The following AEBP2 variants were observed in gnomAD, a reference collection of about 807,000 sequenced individuals.
The protein encoded by AEBP2 is zinc finger protein AEBP2.
AEBP2 carries 10 observed loss-of-function variants against 50.8 expected under a neutral mutation model. The ratio of observed to expected loss-of-function variants is 0.20; its 90% CI spans 0.12 to 0.33. The LOEUF (loss-of-function observed/expected upper bound fraction) is 0.33. Ranked by LOEUF, AEBP2 falls within the 10% of genes least tolerant of loss-of-function variation. The probability of loss-of-function intolerance (pLI) is 1.00; values close to 1 mark genes in which losing one functional copy is unlikely to be tolerated. For synonymous variants in AEBP2, 296 were observed against 261.3 expected (o/e 1.13, Z -1.28); for missense variants, 570 against 688.0 (o/e 0.83, Z 1.92).
chr12:19,424,900 T>C lies in AEBP2; in HGVS notation c.-17+20684T>C, dbSNP rs184762517. On this transcript the variant is annotated intron_variant, in intron 1 of 3. Transcript: ENST00000538425. ...TGTGTGCACCTGTAGGCCCAGCTAC[T>C]CAGGAGGCTGAGGCGGGAGAATCAC... 8.0e-3 allele frequency among the ~76,000 whole-genome samples: 1,220 copies of C among 152,022 alleles called. 17 individuals carry two copies. The highest frequency in any genetic ancestry group is 0.028 in the African/African-American group (1,146 of 41,504).
chr12:19,419,658 G>A (rs1476591112), intron 1 of AEBP2, among the ~76,000 whole-genome samples: 1 of 151,926 alleles, frequency 6.6e-6, no homozygotes, highest in East Asian at 1.9e-4. Flanking sequence ...GGCCGGGCAT[G>A]GCGGCTCACC....
chr12:19,517,990 C>T (rs1949344949), intron 7 of AEBP2, 97 bp from the exon 8 acceptor site: 1 of 1,091,594 alleles, frequency 9.2e-7, no homozygotes, highest in Non-Finnish European at 1.3e-6. Flanking sequence ...ATGATCATCA[C>T]ATTGCCTGTA....
At chr12:19,443,020 C>A (rs1447337229) in intron 1 of AEBP2, among the ~76,000 whole-genome samples, 1 of 152,144 alleles carries the variant, frequency 6.6e-6, no homozygotes, top group Non-Finnish European at 1.5e-5. Flanking sequence ...ATTTACCTTT[C>A]CCATCGTTTT....
Position 19,466,960 on chromosome 12 carries a change from T to A in AEBP2, c.879+4243T>A, listed in dbSNP as rs573261504. ...CCATTATATATCCACTTAGCATTGTTTTTTTCCCCCTTTTAAGTTGTTTAT... is the reference window on the plus strand; with the variant it reads ...CCATTATATATCCACTTAGCATTGTATTTTTCCCCCTTTTAAGTTGTTTAT... On this transcript the variant is annotated intron_variant, in intron 2 of 7. Transcript: ENST00000266508. The A allele has an allele frequency of 4.3e-4, 116 of 266,754 alleles. No homozygotes were observed. In the South Asian group the frequency reaches 5.0e-3, roughly 11 times the overall value. The allele number at this position is 266,754 out of a possible 1,614,324, so 16.5% of individuals were successfully genotyped here. A position where few individuals can be genotyped will look rare whatever the true frequency, so the allele number is the denominator to read the frequency against.
rs1483117377 is a variant in AEBP2, at chr12:19,439,661, C to T, written c.-39C>T. On this transcript the variant is annotated 5_prime_UTR_variant, in exon 1 of 8. Transcript: ENST00000266508. ...AGAGAGAGTCGAGAGAGGGAGGCGG[C>T]GGTGGGGAGGAGGAGGAGGAGGAGG... 4 of 1,407,936 alleles carry T rather than the reference C, an allele frequency of 2.8e-6. No homozygotes were observed. The highest frequency in any genetic ancestry group is 2.3e-5 in the Admixed American group (1 of 43,630). 87.2% of individuals were successfully genotyped at this position (1,407,936 alleles called of 1,614,324 possible).
intron 3 of AEBP2, among the ~76,000 whole-genome samples, chr12:19,479,524 T>C: frequency 6.6e-6 from 1 of 150,514 alleles, no homozygotes; most frequent in African/African-American, 2.4e-5. Context: ...AGGATACAAT[T>C]ATTATTACAT....
chr12:19,498,044 A>C (rs1279334651), intron 4 of AEBP2, among the ~76,000 whole-genome samples: 1 of 152,224 alleles, frequency 6.6e-6, no homozygotes, highest in Non-Finnish European at 1.5e-5. Flanking sequence ...AGTGTGGTTA[A>C]GGTCTGAATG....
intron 1 of AEBP2, among the ~76,000 whole-genome samples, chr12:19,461,717 GC>G (rs1948382051): frequency 6.6e-6 from 1 of 151,984 alleles, no homozygotes; most frequent in Non-Finnish European, 1.5e-5. Context: ...CACCATGTTG[GC>G]CAGGCTGGTT....
intron 1 of AEBP2, among the ~76,000 whole-genome samples, chr12:19,449,184 C>G (rs529265407): frequency 1.3e-5 from 2 of 152,212 alleles, no homozygotes; most frequent in Admixed American, 6.5e-5. Context: ...TAGGAAAGAT[C>G]TTTTTATGAT....
At chr12:19,508,137 T>C (rs1949178822) in intron 5 of AEBP2, among the ~76,000 whole-genome samples, 3 of 152,228 alleles carry the variant, frequency 2.0e-5, no homozygotes, top group Admixed American at 1.3e-4. Flanking sequence ...TCCAGACCTG[T>C]GTTTGGGCTT....
chr12:19,414,304 A>G (rs2095741068), intron 1 of AEBP2, among the ~76,000 whole-genome samples: 1 of 152,092 alleles, frequency 6.6e-6, no homozygotes, highest in Non-Finnish European at 1.5e-5. Context: ...CATTTTACCC[A>G]GCTCCTATTC....
intron 3 of AEBP2, among the ~76,000 whole-genome samples, chr12:19,477,849 A>G (rs1460256549): frequency 6.6e-6 from 1 of 152,184 alleles, no homozygotes; most frequent in Non-Finnish European, 1.5e-5. Flanking sequence ...TAGTTACATT[A>G]AGATTGGCAC....
intron 1 of AEBP2, among the ~76,000 whole-genome samples, chr12:19,434,021 T>C (rs1057255025): frequency 6.6e-6 from 1 of 151,690 alleles, no homozygotes; most frequent in Non-Finnish European, 1.5e-5. Context: ...TAATTTTTTT[T>C]ATTTTAGTAG....
chr12:19,497,417 C>T (rs1019468802), intron 4 of AEBP2, among the ~76,000 whole-genome samples: 1 of 134,940 alleles, frequency 7.4e-6, no homozygotes, highest in African/African-American at 2.7e-5. Context: ...CTCACAGCAA[C>T]CTGTAATGTT....
chr12:19,500,008 A>G, intron 4 of AEBP2, 89 bp from the exon 5 acceptor site: 1 of 1,158,654 alleles, frequency 8.6e-7, no homozygotes, highest in Non-Finnish European at 1.2e-6. Flanking sequence ...TACTATTGAT[A>G]GATATGTATT....
intron 3 of AEBP2, among the ~76,000 whole-genome samples, chr12:19,478,773 T>C (rs946804449): frequency 2.0e-5 from 3 of 152,142 alleles, no homozygotes; most frequent in Non-Finnish European, 4.4e-5. Flanking sequence ...GTTTGTGTAG[T>C]TTTGAGGGTT....
chr12:19,425,849 T>C (rs1471273605), intron 1 of AEBP2, among the ~76,000 whole-genome samples: 1 of 151,962 alleles, frequency 6.6e-6, no homozygotes, highest in Non-Finnish European at 1.5e-5. Flanking sequence ...TGGGAGACTT[T>C]CCTTATGTTT....
chr12:19,484,320 G>A (rs1042269147), intron 3 of AEBP2, among the ~76,000 whole-genome samples: 1 of 144,434 alleles, frequency 6.9e-6, no homozygotes, highest in Admixed American at 7.4e-5. Context: ...GGCCAGGCTG[G>A]TCTTGGACTT....
chr12:19,451,255 G>A (rs1398508341), intron 1 of AEBP2, among the ~76,000 whole-genome samples: 1 of 152,124 alleles, frequency 6.6e-6, no homozygotes, highest in African/African-American at 2.4e-5. Context: ...CTTGGTATCA[G>A]CTCGTGGAAG....
Sources: allele counts gnomAD v4.1 joint callset (sites outside exome capture counted in the v4.1 genomes callset), GRCh38; gene constraint gnomAD v4.1.1; transcripts MANE v1.5; gene names NCBI Gene and HGNC (gene_info 2026-07-23, HGNC 2026-07-21).